Variants in NGEF observed in about 807,000 individuals in gnomAD.
NGEF encodes the protein neuronal guanine nucleotide exchange factor.
A neutral mutation model predicts 80.9 loss-of-function variants in NGEF; 31 were observed. The observed-to-expected ratio is 0.38, with a 90% CI of 0.29 to 0.52. The LOEUF (loss-of-function observed/expected upper bound fraction) is 0.52. Ranked by LOEUF, NGEF falls within the 20% of genes least tolerant of loss-of-function variation. The probability of loss-of-function intolerance (pLI) is 0.84; values close to 1 mark genes in which losing one functional copy is unlikely to be tolerated. For missense variants in NGEF, 709 were observed against 926.2 expected, an observed-to-expected ratio of 0.77 and a Z score of 3.04; for synonymous variants, 371 against 370.2, an observed-to-expected ratio of 1.00 and a Z score of -0.03.
chr2:232,969,985 C>T (rs1436609215), intron 3 of NGEF: 1 of 259,340 alleles, frequency 3.9e-6, no homozygotes, highest in African/African-American at 2.3e-5. Context: ...GGTAACATAG[C>T]AAGACCACAT....
intron 1 of NGEF, among the ~76,000 whole-genome samples, chr2:232,981,954 G>T (rs565014482): frequency 3.9e-5 from 6 of 152,152 alleles, no homozygotes; most frequent in African/African-American, 9.7e-5. Context: ...CTTGGAGCTC[G>T]CAGGGGCCAC....
chr2:232,909,147 T>C (rs148923422), intron 5 of NGEF, among the ~76,000 whole-genome samples: 2,102 of 152,324 alleles, frequency 0.014, 20 homozygotes, highest in South Asian at 0.02. Flanking sequence ...GTCTTGCCTT[T>C]ATTGCCACCA....
At chr2:233,001,300 AC>A (rs1483544259) in intron 1 of NGEF, among the ~76,000 whole-genome samples, 3 of 151,902 alleles carry the variant, frequency 2.0e-5, no homozygotes, top group Non-Finnish European at 4.4e-5. Flanking sequence ...ATCTCTCATC[AC>A]CCCCAATATA....
chr2:232,896,133 C>A (rs754151441), intron 5 of NGEF, among the ~76,000 whole-genome samples: 1 of 152,192 alleles, frequency 6.6e-6, no homozygotes, highest in Non-Finnish European at 1.5e-5. Context: ...ACAGAAGCTA[C>A]ATCCATGTCC....
chr2:232,906,125 C>CGGG lies in NGEF; in HGVS notation c.829-11210_829-11209insCCC, dbSNP rs1559203558. ...TCCCGTCTGGGAGGGAGGTGGGGGT[C>CGGG]TCAGCCCCCCGCCCGGCCACCCGCC... On this transcript the variant is annotated intron_variant, in intron 5 of 14. Coordinates refer to ENST00000264051, the MANE Select transcript of NGEF (RefSeq NM_019850.3). Among the ~76,000 whole-genome samples, 99 of 67,450 alleles carry CGGG rather than the reference C, an allele frequency of 1.5e-3. 3 individuals carry two copies. Among genetic ancestry groups the CGGG allele is most frequent in the Non-Finnish European group, 2.2e-3 (67 of 31,022 alleles). 44.2% of individuals were successfully genotyped at this position (67,450 alleles called of 152,430 possible).
At chr2:233,010,194 G>A (rs1695172591) in intron 1 of NGEF, among the ~76,000 whole-genome samples, 1 of 151,710 alleles carries the variant, frequency 6.6e-6, no homozygotes, top group Non-Finnish European at 1.5e-5. Flanking sequence ...CGCCCAGCTG[G>A]CATCTTTTAA....
At chr2:232,947,641 C>T (rs1011595390) in intron 3 of NGEF, among the ~76,000 whole-genome samples, 4 of 152,174 alleles carry the variant, frequency 2.6e-5, no homozygotes, top group Non-Finnish European at 5.9e-5. Context: ...TTTCCTGAGG[C>T]CTCCTCAGCC....
chr2:233,011,934 G>A (rs554477965), intron 1 of NGEF, among the ~76,000 whole-genome samples: 97 of 152,262 alleles, frequency 6.4e-4, no homozygotes, highest in African/African-American at 2.2e-3. Context: ...AGGAGAGTGC[G>A]GTGGAGGGAG....
rs570180043 is a variant in NGEF, at chr2:232,879,423, C to G, written c.*66G>C. 346,062 of 879,204 alleles carry G rather than the reference C, an allele frequency of 0.39. 39,824 individuals are homozygous for G. The highest frequency in any genetic ancestry group is 0.45 in the Admixed American group (16,051 of 35,854). The allele number at this position is 879,204 out of a possible 1,614,324, so 54.5% of individuals were successfully genotyped here. ...GTGCTGGCCTGTGCTTCCCAGAGCC[C>G]CCCCCCCCCCACCTTCTGTCGGGGT... On this transcript the variant is annotated 3_prime_UTR_variant, in exon 15 of 15. Coordinates refer to ENST00000264051, the MANE Select transcript of NGEF (RefSeq NM_019850.3).
Position 232,904,756 on chromosome 2 carries a change from C to T in NGEF, c.829-9840G>A, listed in dbSNP as rs562763092. On this transcript the variant is annotated intron_variant, in intron 5 of 14. Coordinates refer to ENST00000264051, the MANE Select transcript of NGEF (RefSeq NM_019850.3). ...CCCAGGAGTTGGAGAATAGCCCAGG[C>T]GAAACAGCAAGACCCCATCTCTTCA... 2.6e-3 allele frequency among the ~76,000 whole-genome samples: 401 copies of T among 152,114 alleles called. 2 individuals carry two copies. The highest frequency in any genetic ancestry group is 9.1e-3 in the African/African-American group (376 of 41,480).
In NGEF at chr2:233,013,090, A is replaced by G. The variant is rs1407148608; in HGVS notation, c.-97T>C. On this transcript the variant is annotated 5_prime_UTR_variant, in exon 1 of 15. Coordinates refer to ENST00000264051, the MANE Select transcript of NGEF (RefSeq NM_019850.3). ...CACCTGCCAGAGAGGAGCTCATAGG[A>G]GTTGGGCTTCCTCAGAGAGTGTTCC... 4.2e-6 allele frequency: 2 copies of G among 470,882 alleles called. No individual in the cohort carries two copies. Among genetic ancestry groups the G allele is most frequent in the Non-Finnish European group, 8.8e-6 (2 of 226,996 alleles). The allele number at this position is 470,882 out of a possible 1,614,324, so 29.2% of individuals were successfully genotyped here. A position where few individuals can be genotyped will look rare whatever the true frequency, so the allele number is the denominator to read the frequency against.
chr2:232,910,511 C>T (rs183522335), intron 5 of NGEF, among the ~76,000 whole-genome samples: 2 of 152,246 alleles, frequency 1.3e-5, no homozygotes, highest in Admixed American at 1.3e-4. Flanking sequence ...TCCTGTGATG[C>T]ACAAGGCAGC....
intron 1 of NGEF, among the ~76,000 whole-genome samples, chr2:232,993,314 A>C (rs1278079930): frequency 4.3e-5 from 6 of 140,192 alleles, no homozygotes; most frequent in Non-Finnish European, 1.5e-5. Context: ...TAAATACATG[A>C]AAAGATGCTC....
At chr2:232,924,530 T>G (rs1227478759) in intron 4 of NGEF, among the ~76,000 whole-genome samples, 1 of 152,138 alleles carries the variant, frequency 6.6e-6, no homozygotes, top group East Asian at 1.9e-4. Flanking sequence ...TCTAAAGGCT[T>G]GTCAAAAAGC....
intron 4 of NGEF, among the ~76,000 whole-genome samples, chr2:232,922,087 G>A (rs907845392): frequency 7.2e-5 from 11 of 152,184 alleles, no homozygotes; most frequent in Non-Finnish European, 1.2e-4. Context: ...GATAGTGGCC[G>A]AGGCCCCTCG....
intron 3 of NGEF, among the ~76,000 whole-genome samples, chr2:232,964,643 T>G (rs13007953): frequency 0.79 from 120,868 of 152,180 alleles, 48,600 homozygotes; most frequent in African/African-American, 0.92. Context: ...AACTGAGATT[T>G]TGCCACTGTA....
intron 3 of NGEF, among the ~76,000 whole-genome samples, chr2:232,956,096 G>T (rs10205922): frequency 1.3e-5 from 2 of 152,036 alleles, no homozygotes; most frequent in African/African-American, 4.8e-5. Flanking sequence ...TTCAGACGCC[G>T]CTCCTTTCCT....
intron 5 of NGEF, among the ~76,000 whole-genome samples, chr2:232,916,857 G>A (rs72976151): frequency 0.13 from 20,536 of 152,184 alleles, 1,919 homozygotes; most frequent in Non-Finnish European, 0.2. Flanking sequence ...GGTCTCAGAC[G>A]CGCACAGAGA....
chr2:232,994,319 G>T (rs1694732452), intron 1 of NGEF, among the ~76,000 whole-genome samples: 1 of 149,204 alleles, frequency 6.7e-6, no homozygotes, highest in South Asian at 2.1e-4. Flanking sequence ...GCAGTGAGCC[G>T]AGTTTGCACC....
Sources: allele counts gnomAD v4.1 joint callset (sites outside exome capture counted in the v4.1 genomes callset), GRCh38; gene constraint gnomAD v4.1.1; transcripts MANE v1.5; gene names NCBI Gene and HGNC (gene_info 2026-07-23, HGNC 2026-07-21).